ASIP: variants seen among roughly 807,000 people sequenced by gnomAD.
ASIP encodes the protein agouti-signaling protein.
A neutral mutation model predicts 10.3 loss-of-function variants in ASIP; 11 were observed. That is an observed-to-expected ratio of 1.07 (90% CI 0.68 to 1.78). The LOEUF is 1.78. Ranked by LOEUF, ASIP falls within the 40% of genes most tolerant of loss-of-function variation. The probability of loss-of-function intolerance (pLI) is 0.00; values close to 1 mark genes in which losing one functional copy is unlikely to be tolerated. For missense variants in ASIP, 180 were observed against 169.2 expected, an observed-to-expected ratio of 1.06 and a Z score of -0.35; for synonymous variants, 70 against 70.8, an observed-to-expected ratio of 0.99 and a Z score of 0.06.
chr20:34,236,335 T>C (rs902231383), intron 1 of ASIP, among the ~76,000 whole-genome samples: 1 of 151,352 alleles, frequency 6.6e-6, no homozygotes, highest in Non-Finnish European at 1.5e-5. Context: ...AGGTCAGGAG[T>C]TTGAGACCAG....
At chr20:34,235,899 A>AAGGG (rs1491250719) in intron 1 of ASIP, among the ~76,000 whole-genome samples, 1 of 64,600 alleles carries the variant, frequency 1.5e-5, no homozygotes, top group African/African-American at 2.5e-4. Flanking sequence ...GGAAGGAAGG[A>AAGGG]AAGGAAGGAA....
At chr20:34,208,863 T>G (rs1269297456) in intron 1 of ASIP, among the ~76,000 whole-genome samples, 1 of 152,266 alleles carries the variant, frequency 6.6e-6, no homozygotes, top group Non-Finnish European at 1.5e-5. Context: ...AAGTATTTTT[T>G]TCTGTAGCTA....
chr20:34,218,195 G>T (rs532298289), intron 1 of ASIP, among the ~76,000 whole-genome samples: 1 of 152,138 alleles, frequency 6.6e-6, no homozygotes, highest in Non-Finnish European at 1.5e-5. Context: ...TGGAAGATAC[G>T]TTCAGACTTT....
Position 34,268,988 on chromosome 20 carries a change from C to A in ASIP, c.223-3C>A. On this transcript the variant is annotated splice_region_variant and splice_polypyrimidine_tract_variant and intron_variant, in intron 3 of 3. Transcript: ENST00000374954. ...TCATAAAGCCCCGGCGTTTCCCACG[C>A]AGAAGGAGGCTTCGATGAAGAAAGT... The A allele has an allele frequency of 6.2e-7, 1 of 1,601,440 alleles. No homozygotes were observed. Among genetic ancestry groups the A allele is most frequent in the East Asian group, 2.3e-5 (1 of 44,364 alleles).
intron 3 of ASIP, among the ~76,000 whole-genome samples, chr20:34,263,458 G>A (rs2035730608): frequency 6.6e-6 from 1 of 151,946 alleles, no homozygotes; most frequent in Admixed American, 6.6e-5. Context: ...CCAGCTACTT[G>A]GGAGGCTGAG....
chr20:34,249,208 C>T (rs2035432465), intron 1 of ASIP, among the ~76,000 whole-genome samples: 1 of 152,054 alleles, frequency 6.6e-6, no homozygotes, highest in South Asian at 2.1e-4. Flanking sequence ...AGTAACTTGC[C>T]AGAAGTCACA....
At chr20:34,237,039 G>A (rs1017335399), upstream of ASIP, among the ~76,000 whole-genome samples, 1 of 151,788 alleles carries the variant, frequency 6.6e-6, no homozygotes, top group Non-Finnish European at 1.5e-5. Flanking sequence ...TTTATTTCTG[G>A]GCCTTTATTT....
At chr20:34,240,334 A>C (rs1482878871), upstream of ASIP, among the ~76,000 whole-genome samples, 4 of 152,150 alleles carry the variant, frequency 2.6e-5, no homozygotes, top group Non-Finnish European at 5.9e-5. Flanking sequence ...GCTGTGCCCC[A>C]AGTGCTTCTT....
At chr20:34,215,648 G>A in intron 1 of ASIP, 8 of 1,463,308 alleles carry the variant, frequency 5.5e-6, no homozygotes, top group Non-Finnish European at 7.7e-6. Context: ...TGATATGAGC[G>A]TCTCCCTAAT....
chr20:34,227,790 G>A (rs1262356314), intron 1 of ASIP, among the ~76,000 whole-genome samples: 3 of 152,160 alleles, frequency 2.0e-5, no homozygotes, highest in African/African-American at 7.2e-5. Flanking sequence ...TAAAATTCAT[G>A]TGGAAATACA....
In ASIP at chr20:34,269,138, T is replaced by A; in HGVS notation, c.370T>A (p.Ser124Thr). 1 of 1,549,848 alleles carries A rather than the reference T, an allele frequency of 6.5e-7. No homozygotes were observed. The highest frequency in any genetic ancestry group is 8.7e-7 in the Non-Finnish European group (1 of 1,147,118). ...GTGCCGCTTCTTCCGCAGCGCCTGCTCCTGCCGCGTGCTCAGCCTCAACTG... is the reference window on the plus strand; with the variant it reads ...GTGCCGCTTCTTCCGCAGCGCCTGCACCTGCCGCGTGCTCAGCCTCAACTG... ...CQCRFFRSAC[S>T]CRVLSLNC Residue 124 changes from serine (S) to threonine (T), a missense_variant, in exon 4 of 4, where the codon TCC (serine) becomes ACC (threonine). By Grantham distance (58) the Ser-to-Thr change is moderately conservative (BLOSUM62 1). Transcript: ENST00000374954.
upstream of ASIP, among the ~76,000 whole-genome samples, chr20:34,193,430 A>G (rs1486622845): frequency 1.3e-5 from 2 of 151,468 alleles, no homozygotes; most frequent in South Asian, 2.1e-4. Flanking sequence ...TTTTTCTTCC[A>G]TCTTTTTTTT....
chr20:34,258,802 T>C (rs2035635232), intron 1 of ASIP, among the ~76,000 whole-genome samples: 1 of 118,772 alleles, frequency 8.4e-6, no homozygotes, highest in Non-Finnish European at 1.7e-5. Flanking sequence ...GTATATATAA[T>C]ATATGATATA....
At chr20:34,200,969 T>TTTCTTTCCTTCCTTCC (rs1568744348) in intron 1 of ASIP, among the ~76,000 whole-genome samples, 13 of 72,966 alleles carry the variant, frequency 1.8e-4, no homozygotes, top group African/African-American at 5.0e-4. Flanking sequence ...TCTTTCTTTC[T>TTTCTTTCCTTCCTTCC]TTCCTTCCTT....
chr20:34,249,691 C>T (rs925128439), intron 1 of ASIP, among the ~76,000 whole-genome samples: 3 of 152,096 alleles, frequency 2.0e-5, no homozygotes, highest in Non-Finnish European at 4.4e-5. Context: ...CTAACACTTC[C>T]CCCTCCTCCT....
intron 1 of ASIP, among the ~76,000 whole-genome samples, chr20:34,254,145 C>T (rs571774101): frequency 1.3e-5 from 2 of 152,266 alleles, no homozygotes; most frequent in African/African-American, 4.8e-5. Context: ...TCACTGCAAC[C>T]TCTGCCTCCT....
chr20:34,193,994 G>C (rs1371218781), upstream of ASIP, among the ~76,000 whole-genome samples: 2 of 152,062 alleles, frequency 1.3e-5, no homozygotes, highest in African/African-American at 4.8e-5. Flanking sequence ...TCTTCCCATG[G>C]GACTAGAATG....
chr20:34,235,837 G>GA (rs879300679), intron 1 of ASIP, among the ~76,000 whole-genome samples: 2 of 59,750 alleles, frequency 3.3e-5, no homozygotes, highest in Admixed American at 2.0e-4. Flanking sequence ...AAGAAAGAAA[G>GA]AAAGAAGGAA....
upstream of ASIP, among the ~76,000 whole-genome samples, chr20:34,190,930 C>T (rs890458755): frequency 6.6e-6 from 1 of 152,160 alleles, no homozygotes; most frequent in African/African-American, 2.4e-5. Flanking sequence ...ACTCAGGCTC[C>T]TATTGAATTG....
Sources: allele counts gnomAD v4.1 joint callset (sites outside exome capture counted in the v4.1 genomes callset), GRCh38; gene constraint gnomAD v4.1.1; transcripts MANE v1.5; gene names NCBI Gene and HGNC (gene_info 2026-07-23, HGNC 2026-07-21).